The following CDH12 variants were observed in gnomAD, a reference collection of about 807,000 sequenced individuals.
The protein encoded by CDH12 is cadherin 12.
A neutral mutation model predicts 74.1 loss-of-function variants in CDH12; 41 were observed. That is an observed-to-expected ratio of 0.55 (90% CI 0.43 to 0.72). CDH12 has a LOEUF of 0.72. Ranked by LOEUF, CDH12 falls within the 30% of genes least tolerant of loss-of-function variation. CDH12 has a pLI of 0.00. For synonymous variants in CDH12, 399 were observed against 355.0 expected, an observed-to-expected ratio of 1.12 and a Z score of -1.39; for missense variants, 945 against 977.2, an observed-to-expected ratio of 0.97 and a Z score of 0.44.
intron 4 of CDH12, among the ~76,000 whole-genome samples, chr5:22,126,827 C>A (rs188611907): frequency 6.6e-6 from 1 of 152,222 alleles, no homozygotes; most frequent in African/African-American, 2.4e-5. Context: ...GGCTAATTAC[C>A]AAGATGTTAA....
intron 5 of CDH12, among the ~76,000 whole-genome samples, chr5:22,078,116 G>C (rs1472885493): frequency 6.6e-6 from 1 of 152,002 alleles, no homozygotes; most frequent in Non-Finnish European, 1.5e-5. Context: ...TAACTATACT[G>C]ATACTATACT....
intron 3 of CDH12, among the ~76,000 whole-genome samples, chr5:22,235,478 G>A (rs1752529910): frequency 6.6e-6 from 1 of 151,936 alleles, no homozygotes; most frequent in Non-Finnish European, 1.5e-5. Flanking sequence ...ATATTCGGGA[G>A]GCTGAGCAGG....
At chr5:21,760,330 A>T (rs577673174) in intron 13 of CDH12, among the ~76,000 whole-genome samples, 2 of 152,044 alleles carry the variant, frequency 1.3e-5, no homozygotes, top group East Asian at 3.9e-4. Flanking sequence ...TATTTGCTTG[A>T]CTCATTGAGA....
At chr5:22,103,175 A>C (rs1744246563) in intron 4 of CDH12, among the ~76,000 whole-genome samples, 1 of 152,184 alleles carries the variant, frequency 6.6e-6, no homozygotes, top group Non-Finnish European at 1.5e-5. Flanking sequence ...CTAATCTCGG[A>C]TCTTGAATGT....
intron 2 of CDH12, among the ~76,000 whole-genome samples, chr5:22,416,716 A>G (rs1195433349): frequency 6.6e-6 from 1 of 152,188 alleles, no homozygotes; most frequent in Non-Finnish European, 1.5e-5. Flanking sequence ...AAAGAAGCTT[A>G]CCTTAAAAGG....
At chr5:22,156,507 T>A (rs1456237054) in intron 4 of CDH12, among the ~76,000 whole-genome samples, 1 of 152,154 alleles carries the variant, frequency 6.6e-6, no homozygotes, top group Non-Finnish European at 1.5e-5. Flanking sequence ...ATACATATAC[T>A]TAAAGAAAAA....
intron 6 of CDH12, among the ~76,000 whole-genome samples, chr5:21,932,254 A>C (rs936581056): frequency 6.6e-6 from 1 of 152,232 alleles, no homozygotes; most frequent in African/African-American, 2.4e-5. Context: ...AATAAAAGAG[A>C]CTACAGTCAT....
intron 3 of CDH12, among the ~76,000 whole-genome samples, chr5:22,377,580 T>C (rs2126369545): frequency 6.6e-6 from 1 of 152,308 alleles, no homozygotes; most frequent in Non-Finnish European, 1.5e-5. Context: ...CAAAACTGTA[T>C]AGCAAAGATC....
chr5:22,311,746 T>C (rs886197545), intron 3 of CDH12, among the ~76,000 whole-genome samples: 41 of 148,612 alleles, frequency 2.8e-4, no homozygotes, highest in Admixed American at 1.5e-3. Flanking sequence ...CATGGGTACA[T>C]GGTTGTGGTG....
intron 1 of CDH12, among the ~76,000 whole-genome samples, chr5:22,748,934 G>C (rs149130357): frequency 3.3e-5 from 5 of 152,128 alleles, no homozygotes; most frequent in Non-Finnish European, 5.9e-5. Flanking sequence ...CACAATACCT[G>C]TCCTTGAAAC....
intron 2 of CDH12, among the ~76,000 whole-genome samples, chr5:22,428,411 C>T (rs1387553284): frequency 6.6e-6 from 1 of 151,368 alleles, no homozygotes; most frequent in African/African-American, 2.4e-5. Flanking sequence ...TGCAGTGTTT[C>T]CAAAATTTTA....
intron 1 of CDH12, among the ~76,000 whole-genome samples, chr5:22,576,229 C>T (rs1280117264): frequency 6.6e-6 from 1 of 152,174 alleles, no homozygotes; most frequent in African/African-American, 2.4e-5. Flanking sequence ...TGGCCATGCG[C>T]AGTCCTGCTT....
intron 5 of CDH12, among the ~76,000 whole-genome samples, chr5:22,024,720 G>A (rs1378047145): frequency 6.6e-6 from 1 of 151,884 alleles, no homozygotes; most frequent in Non-Finnish European, 1.5e-5. Flanking sequence ...TGCCATATTG[G>A]TCAGGTTGGT....
At chr5:21,859,673 G>A (rs1001540763) in intron 6 of CDH12, among the ~76,000 whole-genome samples, 1 of 151,920 alleles carries the variant, frequency 6.6e-6, no homozygotes, top group African/African-American at 2.4e-5. Flanking sequence ...TCCAGAGGGA[G>A]AAATGCTGAC....
chr5:22,680,715 A>T (rs1741445243), intron 1 of CDH12, among the ~76,000 whole-genome samples: 1 of 151,820 alleles, frequency 6.6e-6, no homozygotes, highest in Non-Finnish European at 1.5e-5. Flanking sequence ...GCAGCCACAT[A>T]GAGTTTCTGG....
intron 1 of CDH12, among the ~76,000 whole-genome samples, chr5:22,626,681 A>G (rs1334829697): frequency 2.6e-5 from 4 of 152,200 alleles, no homozygotes; most frequent in African/African-American, 9.7e-5. Context: ...CAACTCAAAA[A>G]GCCAGAATGT....
intron 1 of CDH12, among the ~76,000 whole-genome samples, chr5:22,566,603 T>A (rs1202995591): frequency 6.6e-6 from 1 of 152,178 alleles, no homozygotes; most frequent in African/African-American, 2.4e-5. Context: ...AAACAATGAA[T>A]GAATCTTCCT....
At chr5:22,459,572 T>C (rs923116219) in intron 2 of CDH12, among the ~76,000 whole-genome samples, 2 of 152,200 alleles carry the variant, frequency 1.3e-5, no homozygotes, top group African/African-American at 4.8e-5. Context: ...GTGATAATTA[T>C]AGAAACACAC....
intron 5 of CDH12, among the ~76,000 whole-genome samples, chr5:22,046,004 T>A (rs1027925702): frequency 6.6e-6 from 1 of 152,178 alleles, no homozygotes; most frequent in Non-Finnish European, 1.5e-5. Flanking sequence ...TATTATCTCA[T>A]AAATATGTAC....
Sources: allele counts gnomAD v4.1 joint callset (sites outside exome capture counted in the v4.1 genomes callset), GRCh38; gene constraint gnomAD v4.1.1; transcripts MANE v1.5; gene names NCBI Gene and HGNC (gene_info 2026-07-23, HGNC 2026-07-21).